Variants in DCHS1 observed in about 807,000 individuals in gnomAD.
DCHS1 encodes protocadherin-16.
DCHS1 carries 78 observed loss-of-function variants against 213.9 expected under a neutral mutation model. The ratio of observed to expected loss-of-function variants is 0.36; its 90% CI spans 0.30 to 0.44. The LOEUF is 0.44. Ranked by LOEUF, DCHS1 falls within the 20% of genes least tolerant of loss-of-function variation. DCHS1 has a pLI of 1.00. For missense variants in DCHS1, 3,946 were observed against 4,395.9 expected (o/e 0.90, Z 2.89); for synonymous variants, 1,828 against 1,873.7 (o/e 0.98, Z 0.63).
At chr11:6,644,022 G>A (rs1856119431) in intron 1 of DCHS1, among the ~76,000 whole-genome samples, 1 of 152,146 alleles carries the variant, frequency 6.6e-6, no homozygotes, top group Non-Finnish European at 1.5e-5. Context: ...CCACATCCCA[G>A]TCCGAACATC....
In DCHS1 at chr11:6,628,599, G is replaced by A; in HGVS notation, c.5371+22C>T. The A allele has an allele frequency of 6.2e-7, 1 of 1,613,232 alleles. No homozygotes were observed. Among genetic ancestry groups the A allele is most frequent in the East Asian group, 2.2e-5 (1 of 44,884 alleles). Reference sequence around the variant, plus strand: ...ACCAGGCAAGTGGGTGCTGAATTAAGTGGGAGTGGGAAGGTTCTCACCTAG... The same window carrying A: ...ACCAGGCAAGTGGGTGCTGAATTAAATGGGAGTGGGAAGGTTCTCACCTAG... On this transcript the variant is annotated intron_variant, in intron 13 of 20. Transcript: ENST00000299441. The surrounding 1 kb of genome is among the most constrained non-coding windows in gnomAD (Gnocchi z 4.3).
At position 6,622,134 on chromosome 11, in the gene DCHS1, G is replaced by C; in HGVS notation, c.9542C>G (p.Thr3181Arg). Reference protein sequence around the residue: ...PQFQPLASVFTEIARLKDEAR... With the variant: ...PQFQPLASVFREIARLKDEAR... ...TTCATCCTTGAGCCGAGCGATCTCT[G>C]TGAAGACACTGGCCAGTGGTTGGAA... Residue 3181 changes from threonine (T) to arginine (R), a missense_variant, in exon 21 of 21, where the codon ACA becomes AGA. Thr to Arg is a moderately conservative substitution (Grantham distance 71, BLOSUM62 -1). Transcript: ENST00000299441. This position sits in a 1 kb window ranked among gnomAD's most constrained non-coding sequence, Gnocchi z 5.4. 1.2e-6 allele frequency: 2 copies of C among 1,612,936 alleles called. No individual in the cohort carries two copies. The highest frequency in any genetic ancestry group is 1.7e-6 in the Non-Finnish European group (2 of 1,179,770).
At position 6,630,104 on chromosome 11, in the gene DCHS1, C is replaced by T. The variant is rs1273568413; in HGVS notation, c.4690G>A (p.Ala1564Thr). The T allele has an allele frequency of 6.2e-7, 1 of 1,603,346 alleles. No individual in the cohort carries two copies. The highest frequency in any genetic ancestry group is 1.3e-5 in the African/African-American group (1 of 74,734). The change falls in exon 10 of 21, where the codon GCC becomes ACC. Residue 1564 changes from alanine to threonine, a missense_variant. Coordinates refer to ENST00000299441, the MANE Select transcript of DCHS1 (RefSeq NM_003737.4). ...GGGTCCCGGGCTACCACGTGCAGGG[C>T]CGCGGGCCCAGGCGGCTGGTCCTCT... ...LPEDQPPGPA[A>T]LHVVARDPDL...
Position 6,628,646 on chromosome 11 carries a change from A to G in DCHS1, c.5346T>C (p.Asn1782=). Residue 1782 remains asparagine, a synonymous_variant, in exon 13 of 21, where the codon AAT becomes AAC. Transcript: ENST00000299441. This position sits in a 1 kb window ranked among gnomAD's most constrained non-coding sequence, Gnocchi z 4.3. ...LRASDPDVGA[N]GQLQYRILDG... is the part of the protein sequence containing the mutation. Reference sequence around the variant, plus strand: ...CTAGGATGCGGTACTGCAACTGCCCATTGGCTCCCACATCTGGATCAGAGG... The same window carrying G: ...CTAGGATGCGGTACTGCAACTGCCCGTTGGCTCCCACATCTGGATCAGAGG... 1 of 1,614,034 alleles carries G rather than the reference A, an allele frequency of 6.2e-7. No homozygotes were observed. Among genetic ancestry groups the G allele is most frequent in the Non-Finnish European group, 8.5e-7 (1 of 1,179,892 alleles).
Position 6,622,068 on chromosome 11 carries a change from G to A in DCHS1, c.9608C>T (p.Pro3203Leu). 6.2e-7 allele frequency: 1 copy of A among 1,612,650 alleles called. No individual in the cohort carries two copies. The highest frequency in any genetic ancestry group is 1.1e-5 in the South Asian group (1 of 91,060). The stretch of plus-strand genomic sequence containing the variant: ...TGGGTGGGCCACGGCAGTGATGAGG[G>A]GTGGTGGGTCGATACGGGGAGCTGG... The part of the protein sequence containing the change: ...CPPAPRIDPP[P>L]LITAVAHPGA... Residue 3203 changes from proline (P) to leucine (L), a missense_variant, in exon 21 of 21, where the codon CCC (proline) becomes CTC (leucine). Pro to Leu is a moderately conservative substitution (Grantham distance 98, BLOSUM62 -3). Around this residue, in one of 3 missense-constraint regions of DCHS1, gnomAD observed 554 missense variants for 590.2 expected, o/e 0.94. Coordinates refer to ENST00000299441, the MANE Select transcript of DCHS1 (RefSeq NM_003737.4). The surrounding 1 kb of genome is among the most constrained non-coding windows in gnomAD (Gnocchi z 5.4).
Position 6,632,856 on chromosome 11 carries a change from C to T in DCHS1, c.2656G>A (p.Asp886Asn). The change falls in exon 6 of 21, where the codon GAT (aspartate) becomes AAT (asparagine). Residue 886 changes from aspartate (D) to asparagine (N), a missense_variant. Physicochemically the swap from Asp to Asn is conservative, Grantham distance 23. Coordinates refer to ENST00000299441, the MANE Select transcript of DCHS1 (RefSeq NM_003737.4). This position sits in a 1 kb window ranked among gnomAD's most constrained non-coding sequence, Gnocchi z 5.9. ...AVARVRVLLD[D>N]VNDNSPAFPA... ...AAGGCAGGGGAGTTGTCATTCACATCATCCAGCAGCACACGCACCCGAGCT... is the reference window on the plus strand; with the variant it reads ...AAGGCAGGGGAGTTGTCATTCACATTATCCAGCAGCACACGCACCCGAGCT... 1 of 1,614,060 alleles carries T rather than the reference C, an allele frequency of 6.2e-7. No homozygotes were observed. Among genetic ancestry groups the T allele is most frequent in the Non-Finnish European group, 8.5e-7 (1 of 1,179,890 alleles).
Position 6,634,243 on chromosome 11 carries a change from G to C in DCHS1, c.1861C>G (p.Leu621Val), listed in dbSNP as rs1224167471. ...GLLSYSLGAGLGSSGSPPFRI... is the reference protein window; with the variant it reads ...GLLSYSLGAGVGSSGSPPFRI... ...AATGGGGGAGATCCGGAGGACCCAA[G>C]TCCAGCACCCAAGGAATAGGAGAGG... The change falls in exon 3 of 21, where the codon CTT becomes GTT. Residue 621 changes from leucine (L) to valine (V), a missense_variant. Physicochemically the swap from Leu to Val is conservative, Grantham distance 32. Around this residue, in one of 3 missense-constraint regions of DCHS1, gnomAD observed 3,384 missense variants for 3,780.1 expected, o/e 0.90. Transcript: ENST00000299441. The C allele has an allele frequency of 1.2e-6, 2 of 1,613,736 alleles. No homozygotes were observed. Among genetic ancestry groups the C allele is most frequent in the Non-Finnish European group, 1.7e-6 (2 of 1,179,798 alleles).
intron 1 of DCHS1, among the ~76,000 whole-genome samples, chr11:6,645,987 C>G (rs1589962887): frequency 6.6e-6 from 1 of 152,124 alleles, no homozygotes; most frequent in East Asian, 1.9e-4. Context: ...ATTTTCCACA[C>G]AGATGAGCCT....
Position 6,626,232 on chromosome 11 carries a change from G to T in DCHS1, c.6513C>A (p.Phe2171Leu), listed in dbSNP as rs766395125. The T allele has an allele frequency of 1.8e-5, 29 of 1,611,978 alleles. No homozygotes were observed. The highest frequency in any genetic ancestry group is 4.2e-6 in the Non-Finnish European group (5 of 1,179,118). ...GGAAGGCCACATAATGGGGCCGCAG[G>T]AAACGGGGAGCATTGTCGTTGGCAT... is the stretch of plus-strand genomic sequence containing the variant. ...LQDANDNAPR[F>L]LRPHYVAFLP... The change falls in exon 16 of 21, where the codon TTC becomes TTA. Residue 2171 changes from phenylalanine to leucine, a missense_variant. Around this residue, in one of 3 missense-constraint regions of DCHS1, gnomAD observed 3,384 missense variants for 3,780.1 expected, o/e 0.90. Transcript: ENST00000299441. The surrounding 1 kb of genome is among the most constrained non-coding windows in gnomAD (Gnocchi z 5.2).
chr11:6,626,969 G>A lies in DCHS1; in HGVS notation c.6070C>T (p.Arg2024Cys), dbSNP rs147732457. 54 of 1,613,602 alleles carry A rather than the reference G, an allele frequency of 3.3e-5. No individual in the cohort carries two copies. Among genetic ancestry groups the A allele is most frequent in the African/African-American group, 2.5e-4 (19 of 74,904 alleles). The change falls in exon 14 of 21, where the codon CGC (arginine) becomes TGC (cysteine). Residue 2024 changes from arginine (R) to cysteine (C), a missense_variant. Physicochemically the swap from Arg to Cys is radical, Grantham distance 180. Transcript: ENST00000299441. This position sits in a 1 kb window ranked among gnomAD's most constrained non-coding sequence, Gnocchi z 5.2. ...DSYTGEIRVARSPVALGPRDR... is the reference protein window; with the variant it reads ...DSYTGEIRVACSPVALGPRDR... ...CGGGGGCCTAGAGCTACAGGAGAGC[G>A]GGCCACGCGGATTTCACCAGTGTAA...
intron 1 of DCHS1, among the ~76,000 whole-genome samples, chr11:6,647,032 C>T (rs776552492): frequency 6.6e-6 from 1 of 152,144 alleles, no homozygotes. Context: ...AGGCCTCCTC[C>T]CTCAACTTCC....
At position 6,622,271 on chromosome 11, in the gene DCHS1, G is replaced by C. The variant is rs766449407; in HGVS notation, c.9405C>G (p.Phe3135Leu). 1 of 1,605,742 alleles carries C rather than the reference G, an allele frequency of 6.2e-7. No individual in the cohort carries two copies. Reference protein sequence around the residue: ...LSPAPTGDYGFPADGKPCVAG... With the variant: ...LSPAPTGDYGLPADGKPCVAG... ...CCACACATGGCTTGCCATCTGCTGG[G>C]AAGCCATAGTCCCCAGTGGGTGCAG... The change falls in exon 21 of 21, where the codon TTC (phenylalanine) becomes TTG (leucine). Residue 3135 changes from phenylalanine (F) to leucine (L), a missense_variant. By Grantham distance (22) the Phe-to-Leu change is conservative. Transcript: ENST00000299441. The surrounding 1 kb of genome is among the most constrained non-coding windows in gnomAD (Gnocchi z 5.4).
chr11:6,641,768 A>T lies in DCHS1; in HGVS notation c.-120-35T>A. On this transcript the variant is annotated intron_variant, in intron 1 of 20. Transcript: ENST00000299441. The surrounding 1 kb of genome is among the most constrained non-coding windows in gnomAD (Gnocchi z 7.1). ...AACAGAAGGAAACGGGTCATGACAG[A>T]GGAGGGATCAGCAGTCCAGATAACC... 1.4e-6 allele frequency: 2 copies of T among 1,423,106 alleles called. No homozygotes were observed. The highest frequency in any genetic ancestry group is 1.8e-6 in the Non-Finnish European group (2 of 1,089,316). The allele number at this position is 1,423,106 out of a possible 1,614,324, so 88.2% of individuals were successfully genotyped here. A position where few individuals can be genotyped will look rare whatever the true frequency, so the allele number is the denominator to read the frequency against.
rs750417740 is a variant in DCHS1, at chr11:6,625,430, G to A, written c.6914C>T (p.Ser2305Leu). Residue 2305 changes from serine (S) to leucine (L), a missense_variant, in exon 19 of 21, where the codon TCA (serine) becomes TTA (leucine). Physicochemically the swap from Ser to Leu is moderately radical, Grantham distance 145. Coordinates refer to ENST00000299441, the MANE Select transcript of DCHS1 (RefSeq NM_003737.4). This position sits in a 1 kb window ranked among gnomAD's most constrained non-coding sequence, Gnocchi z 5.3. ...TAGCACATACCACAGCACGGGTCCTGAGTCCACATCATTCCCTGTTACCTG... is the reference window on the plus strand; with the variant it reads ...TAGCACATACCACAGCACGGGTCCTAAGTCCACATCATTCCCTGTTACCTG... ...IAQVTGNDVD[S>L]GPVLWYVLSP... 1 of 1,603,262 alleles carries A rather than the reference G, an allele frequency of 6.2e-7. No homozygotes were observed. Among genetic ancestry groups the A allele is most frequent in the African/African-American group, 1.3e-5 (1 of 74,578 alleles).
chr11:6,646,139 C>G (rs1379772126), intron 1 of DCHS1, among the ~76,000 whole-genome samples: 12 of 151,984 alleles, frequency 7.9e-5, no homozygotes, highest in East Asian at 1.9e-4. Context: ...CACCCACCCT[C>G]CACACACACC....
At position 6,641,039 on chromosome 11, in the gene DCHS1, C is replaced by T. The variant is rs556920474; in HGVS notation, c.575G>A (p.Arg192Gln). The change falls in exon 2 of 21, where the codon CGG (arginine) becomes CAG (glutamine). Residue 192 changes from arginine (R) to glutamine (Q), a missense_variant. By Grantham distance (43) the Arg-to-Gln change is conservative. This residue lies in a region of DCHS1 where 3,384 missense variants were observed against 3,780.1 expected (regional missense o/e 0.90). Coordinates refer to ENST00000299441, the MANE Select transcript of DCHS1 (RefSeq NM_003737.4). This position sits in a 1 kb window ranked among gnomAD's most constrained non-coding sequence, Gnocchi z 7.1. Reference sequence around the variant, plus strand: ...ATCTGGACCGGGGCGTGTCTCCAGCCGGAAGGTCTCTCCAGCCCCATCACC... The same window carrying T: ...ATCTGGACCGGGGCGTGTCTCCAGCTGGAAGGTCTCTCCAGCCCCATCACC... ...LSGDGAGETF[R>Q]LETRPGPDGT... The T allele has an allele frequency of 3.7e-5, 59 of 1,613,992 alleles. No homozygotes were observed. Among genetic ancestry groups the T allele is most frequent in the African/African-American group, 1.2e-4 (9 of 75,052 alleles).
rs769541938 is a variant in DCHS1 at position 6,624,127 on chromosome 11, C to T, written c.7549G>A (p.Ala2517Thr). 7 of 1,611,476 alleles carry T rather than the reference C, an allele frequency of 4.3e-6. No homozygotes were observed. The highest frequency in any genetic ancestry group is 4.0e-5 in the African/African-American group (3 of 74,916). Reference protein sequence around the residue: ...TDADGSRSHAAVDYSIISGNW... With the variant: ...TDADGSRSHATVDYSIISGNW... ...CCACTGATGATGCTGTAGTCCACAG[C>T]GGCATGGCTGCGGCTTCCATCAGCA... The change falls in exon 21 of 21, where the codon GCT becomes ACT. Residue 2517 changes from alanine (A) to threonine (T), a missense_variant. Transcript: ENST00000299441.
intron 1 of DCHS1, among the ~76,000 whole-genome samples, chr11:6,643,998 G>T (rs376647872): frequency 1.3e-5 from 2 of 152,246 alleles, no homozygotes; most frequent in South Asian, 2.1e-4. Flanking sequence ...GGTCTTTCTT[G>T]TTTCTCCAAA....
Position 6,626,590 on chromosome 11 carries a change from C to T in DCHS1, c.6326G>A (p.Gly2109Glu). ...GATGGAGAATGTCCCTTTCTCATTC[C>T]CACTGAGAATGCTGTAGGTGATGGG... Reference protein sequence around the residue: ...NGPITYSILSGNEKGTFSIQP... With the variant: ...NGPITYSILSENEKGTFSIQP... Residue 2109 changes from glycine to glutamate, a missense_variant, in exon 15 of 21, where the codon GGG becomes GAG. By Grantham distance (98) the Gly-to-Glu change is moderately conservative. Transcript: ENST00000299441. The surrounding 1 kb of genome is among the most constrained non-coding windows in gnomAD (Gnocchi z 5.2). The T allele has an allele frequency of 6.2e-7, 1 of 1,614,020 alleles. No homozygotes were observed. Among genetic ancestry groups the T allele is most frequent in the Non-Finnish European group, 8.5e-7 (1 of 1,179,898 alleles).
Sources: gnomAD v4.1 joint callset for allele counts (sites outside exome capture counted in the v4.1 genomes callset) on GRCh38, gnomAD v4.1.1 for gene constraint, gnomAD v4.1.1 regional missense constraint, Gnocchi (gnomAD v3.1) non-coding constraint, MANE v1.5 for transcripts, NCBI Gene and HGNC (gene_info 2026-07-23, HGNC 2026-07-21) for gene names.